The following GABRA5 variants were observed in gnomAD, a reference collection of about 807,000 sequenced individuals.
GABRA5 encodes the protein gamma-aminobutyric acid type A receptor subunit alpha5, also known as gamma-aminobutyric acid receptor subunit alpha-5.
In GABRA5, 18 loss-of-function variants were observed where a neutral mutation model predicts 47.3. The ratio of observed to expected loss-of-function variants is 0.38; its 90% CI spans 0.26 to 0.56. GABRA5 has a LOEUF of 0.56. Ranked by LOEUF, GABRA5 falls within the 20% of genes least tolerant of loss-of-function variation. GABRA5 has a pLI of 0.71. For missense variants in GABRA5, 365 were observed against 599.3 expected (o/e 0.61, Z 4.08); for synonymous variants, 237 against 229.3 (o/e 1.03, Z -0.30).
intron 3 of GABRA5, among the ~76,000 whole-genome samples, chr15:26,874,035 G>A (rs562044278): frequency 2.1e-4 from 32 of 152,336 alleles, no homozygotes; most frequent in South Asian, 1.2e-3. Flanking sequence ...GTCGGCCAGC[G>A]CAGCTCTCCG....
rs532874663 is a variant in GABRA5 at position 26,877,283 on chromosome 15, T to C, written c.87-3563T>C. Reference sequence around the variant, plus strand: ...CCAGTGTCCATCTTGGTTTTGTTTTTCTGTTACATTGTTGTTGTTTTTCTA... The same window carrying C: ...CCAGTGTCCATCTTGGTTTTGTTTTCCTGTTACATTGTTGTTGTTTTTCTA... On this transcript the variant is annotated intron_variant, in intron 3 of 10. Coordinates refer to ENST00000335625, the MANE Select transcript of GABRA5 (RefSeq NM_000810.4). 3.3e-5 allele frequency among the ~76,000 whole-genome samples: 5 copies of C among 152,326 alleles called. No individual in the cohort carries two copies. The South Asian group carries it at 1.0e-3, about 32-fold the overall frequency.
At chr15:26,908,699 G>A (rs948174860) in intron 6 of GABRA5, among the ~76,000 whole-genome samples, 1 of 152,124 alleles carries the variant, frequency 6.6e-6, no homozygotes, top group South Asian at 2.1e-4. Flanking sequence ...ATAAATTCCT[G>A]TATTGCCTGA....
At chr15:26,918,299 T>C (rs1391266613) in intron 7 of GABRA5, among the ~76,000 whole-genome samples, 1 of 152,222 alleles carries the variant, frequency 6.6e-6, no homozygotes, top group African/African-American at 2.4e-5. Context: ...TTTCCACATA[T>C]GTATGAATTT....
intron 3 of GABRA5, among the ~76,000 whole-genome samples, chr15:26,870,314 CT>C (rs1892433566): frequency 6.6e-6 from 1 of 152,232 alleles, no homozygotes; most frequent in Admixed American, 6.5e-5. Context: ...ATTTTCTGCT[CT>C]TCTGACTCTT....
chr15:26,894,351 T>G (rs1595406114), intron 6 of GABRA5, among the ~76,000 whole-genome samples: 2 of 152,284 alleles, frequency 1.3e-5, no homozygotes, highest in Non-Finnish European at 2.9e-5. Flanking sequence ...AGGCCGCGCC[T>G]GCACCCAGCG....
At chr15:26,900,565 T>A (rs910565876) in intron 6 of GABRA5, among the ~76,000 whole-genome samples, 2 of 152,164 alleles carry the variant, frequency 1.3e-5, no homozygotes, top group South Asian at 4.1e-4. Context: ...GGAGCAGTTT[T>A]AGGTTTACAG....
At chr15:26,943,159 G>T (rs1894425041) in intron 9 of GABRA5, 56 bp from the exon 10 acceptor site, 3 of 1,317,098 alleles carry the variant, frequency 2.3e-6, no homozygotes. Flanking sequence ...GGGGTCCTGG[G>T]TGCCAGCACT....
chr15:26,878,418 G>A (rs965052878), intron 3 of GABRA5, among the ~76,000 whole-genome samples: 1 of 152,096 alleles, frequency 6.6e-6, no homozygotes, highest in Non-Finnish European at 1.5e-5. Flanking sequence ...TGTGAAAGCG[G>A]TGTATTTCAT....
intron 6 of GABRA5, among the ~76,000 whole-genome samples, chr15:26,900,174 T>C (rs1309428469): frequency 2.0e-5 from 3 of 152,158 alleles, no homozygotes; most frequent in Admixed American, 6.5e-5. Flanking sequence ...CCAGTAGCTC[T>C]GTCCTCCCAT....
intron 6 of GABRA5, among the ~76,000 whole-genome samples, chr15:26,890,767 A>G (rs1225817390): frequency 6.6e-6 from 1 of 152,122 alleles, no homozygotes; most frequent in Non-Finnish European, 1.5e-5. Flanking sequence ...GTGTAATTCC[A>G]TATACTCCCT....
chr15:26,895,747 A>C lies in GABRA5; in HGVS notation c.497+12190A>C, dbSNP rs557637099. Among the ~76,000 whole-genome samples the C allele has an allele frequency of 3.8e-3, 565 of 149,506 alleles. 2 individuals carry two copies. Among genetic ancestry groups the C allele is most frequent in the Non-Finnish European group, 6.4e-3 (435 of 67,650 alleles). ...AGAATCGCTTGAACCCGGGAGGCGG[A>C]GGTTGCAGAGAGCCAAGATGGCGCC... On this transcript the variant is annotated intron_variant, in intron 6 of 10. Transcript: ENST00000335625.
chr15:26,903,716 CT>C (rs532219240), intron 6 of GABRA5, among the ~76,000 whole-genome samples: 9 of 151,960 alleles, frequency 5.9e-5, no homozygotes, highest in South Asian at 4.2e-4. Flanking sequence ...TGATATTTAG[CT>C]TTTTTTTCAT....
intron 7 of GABRA5, among the ~76,000 whole-genome samples, chr15:26,926,609 A>T (rs1240910811): frequency 6.6e-6 from 1 of 152,178 alleles, no homozygotes; most frequent in East Asian, 1.9e-4. Context: ...GAGGCATTTC[A>T]TTTGGGAATC....
At chr15:26,935,726 C>A (rs1894223408) in intron 7 of GABRA5, among the ~76,000 whole-genome samples, 3 of 152,234 alleles carry the variant, frequency 2.0e-5, no homozygotes, top group Admixed American at 2.0e-4. Context: ...GGCCTCTCCA[C>A]CCTCAGACCT....
At chr15:26,922,418 A>T (rs2140300954) in intron 7 of GABRA5, among the ~76,000 whole-genome samples, 1 of 152,316 alleles carries the variant, frequency 6.6e-6, no homozygotes, top group African/African-American at 2.4e-5. Flanking sequence ...TTTGAATGAT[A>T]AATATTTTTT....
At chr15:26,884,236 A>C (rs1323827648) in intron 6 of GABRA5, among the ~76,000 whole-genome samples, 1 of 152,028 alleles carries the variant, frequency 6.6e-6, no homozygotes, top group African/African-American at 2.4e-5. Context: ...CTTTTGTTGC[A>C]ATTGTGTAGC....
intron 3 of GABRA5, among the ~76,000 whole-genome samples, chr15:26,876,297 A>G (rs1355949544): frequency 2.0e-5 from 3 of 152,152 alleles, no homozygotes; most frequent in Non-Finnish European, 4.4e-5. Context: ...AGGTGTTTCC[A>G]TACTTTGGGA....
Position 26,937,246 on chromosome 15 carries a change from G to A in GABRA5, c.642G>A (p.Val214=), listed in dbSNP as rs946628458. The change falls in exon 8 of 11, where the codon GTG becomes GTA. Residue 214 remains valine (V), a synonymous_variant. Transcript: ENST00000335625. ...CCAACGGCTCCACCAAGTCGGTGGTGGTGGCGGAAGATGGCTCCAGACTGA... is the reference window on the plus strand; with the variant it reads ...CCAACGGCTCCACCAAGTCGGTGGTAGTGGCGGAAGATGGCTCCAGACTGA... ...VWTNGSTKSV[V]VAEDGSRLNQ... is the part of the protein sequence containing the mutation. The A allele has an allele frequency of 1.9e-6, 3 of 1,613,974 alleles. No homozygotes were observed. The highest frequency in any genetic ancestry group is 2.5e-6 in the Non-Finnish European group (3 of 1,179,856).
At chr15:26,904,275 G>A (rs986758351) in intron 6 of GABRA5, among the ~76,000 whole-genome samples, 2 of 151,950 alleles carry the variant, frequency 1.3e-5, no homozygotes, top group Non-Finnish European at 2.9e-5. Context: ...ATGGTTGTAG[G>A]TGTGTGGCCT....
Sources: allele counts gnomAD v4.1 joint callset (sites outside exome capture counted in the v4.1 genomes callset), GRCh38; gene constraint gnomAD v4.1.1; transcripts MANE v1.5; gene names NCBI Gene and HGNC (gene_info 2026-07-23, HGNC 2026-07-21).